The following IRGM variants were observed in gnomAD, a reference collection of about 807,000 sequenced individuals.
The protein encoded by IRGM is immunity related GTPase M, also known as immunity-related GTPase family M protein.
For missense variants in IRGM, 288 were observed against 219.9 expected (o/e 1.31, Z -1.96); for synonymous variants, 98 against 80.6 (o/e 1.22, Z -1.16).
At chr5:150,878,166 G>A (rs1754391938) in intron 2 of IRGM, 14 of 381,874 alleles carry the variant, frequency 3.7e-5, no homozygotes, top group South Asian at 2.7e-4. Flanking sequence ...TTTGGAAATA[G>A]TAAACTTTTT....
chr5:150,889,692 A>G (rs975139148), intron 3 of IRGM, among the ~76,000 whole-genome samples: 2 of 152,044 alleles, frequency 1.3e-5, no homozygotes, highest in Admixed American at 6.6e-5. Flanking sequence ...GTCTTTCACT[A>G]TATGATATTA....
chr5:150,854,104 G>T (rs1421924630), intron 1 of IRGM, among the ~76,000 whole-genome samples: 1 of 151,250 alleles, frequency 6.6e-6, no homozygotes, highest in Non-Finnish European at 1.5e-5. Context: ...TTTCTTTGTG[G>T]TTACCATGGA....
intron 1 of IRGM, among the ~76,000 whole-genome samples, chr5:150,863,905 T>C (rs1015088397): frequency 2.0e-5 from 3 of 152,168 alleles, no homozygotes; most frequent in African/African-American, 7.2e-5. Context: ...AAATAGGATT[T>C]GAGGGAGAGA....
downstream of IRGM, among the ~76,000 whole-genome samples, chr5:150,851,927 T>G (rs1753983532): frequency 6.6e-6 from 1 of 152,222 alleles, no homozygotes; most frequent in African/African-American, 2.4e-5. Context: ...AGCTCTAAAC[T>G]TAAATGGCCT....
intron 3 of IRGM, among the ~76,000 whole-genome samples, chr5:150,881,508 C>A (rs1262502359): frequency 6.6e-6 from 1 of 151,966 alleles, no homozygotes; most frequent in Non-Finnish European, 1.5e-5. Flanking sequence ...AGGAAAAGGA[C>A]ACTAGTAACA....
Position 150,846,585 on chromosome 5 carries a change from C to G in IRGM, c.-1051C>G, listed in dbSNP as rs553641944. ...TGTTTTTTTGCACTTTGCAGTAAAT[C>G]TTGCTGCTGCTCATTCTTTGGGTCC... On this transcript the variant is annotated 5_prime_UTR_variant, in exon 1 of 2. The change creates a new upstream start codon in the 5' untranslated region. Coordinates refer to ENST00000522154, the MANE Select transcript of IRGM (RefSeq NM_001145805.2). 4 of 145,010 alleles carry G rather than the reference C, an allele frequency of 2.8e-5. No individual in the cohort carries two copies. Among genetic ancestry groups the G allele is most frequent in the Non-Finnish European group, 5.9e-5 (4 of 67,802 alleles). 9.0% of individuals were successfully genotyped at this position (145,010 alleles called of 1,614,324 possible). A position where few individuals can be genotyped will look rare whatever the true frequency, so the allele number is the denominator to read the frequency against.
intron 3 of IRGM, chr5:150,898,551 A>G (rs1331288391): frequency 2.5e-6 from 4 of 1,600,722 alleles, no homozygotes; most frequent in African/African-American, 1.3e-5. Flanking sequence ...AATGATACTA[A>G]CCCCTGTAAT....
intron 1 of IRGM, among the ~76,000 whole-genome samples, chr5:150,866,585 G>A (rs898774260): frequency 1.3e-5 from 2 of 152,218 alleles, no homozygotes; most frequent in African/African-American, 2.4e-5. Context: ...TCAATAAAAA[G>A]GAGAGTATAA....
At position 150,848,290 on chromosome 5, in the gene IRGM, C is replaced by G. The variant is rs1050494429; in HGVS notation, c.167C>G (p.Thr56Arg). The G allele has an allele frequency of 5.2e-6, 8 of 1,551,842 alleles. 1 individual carries two copies. The Admixed American group carries it at 1.4e-4, about 27-fold the overall frequency. ...ACCTTCATCAGTGCCCTTCGAAACA[C>G]AGGACATGAGGGTAAGGCCTCACCT... ...MSTFISALRN[T>R]GHEGKASPPT... Residue 56 changes from threonine (T) to arginine (R), a missense_variant, in exon 2 of 2, where the codon ACA becomes AGA. Physicochemically the swap from Thr to Arg is moderately conservative, Grantham distance 71. Coordinates refer to ENST00000522154, the MANE Select transcript of IRGM (RefSeq NM_001145805.2).
intron 3 of IRGM, chr5:150,896,362 C>T (rs759091116): frequency 6.2e-7 from 1 of 1,613,556 alleles, no homozygotes; most frequent in Admixed American, 1.7e-5. Context: ...GGTTTCTTTC[C>T]AGTATGAATT....
intron 3 of IRGM, chr5:150,897,399 T>TAACA (rs1363534455): frequency 4.5e-5 from 7 of 157,076 alleles, no homozygotes; most frequent in Non-Finnish European, 8.3e-5. Flanking sequence ...TCTATTTTCC[T>TAACA]AACAACTAAC....
chr5:150,848,009 G>T lies in IRGM; in HGVS notation c.-115G>T. On this transcript the variant is annotated 5_prime_UTR_variant, in exon 2 of 2. Coordinates refer to ENST00000522154, the MANE Select transcript of IRGM (RefSeq NM_001145805.2). The stretch of plus-strand genomic sequence containing the variant: ...TAGTAGAGAAGGTTTCACGATGTTG[G>T]CCAGGATGGTCTCAATCTCCTGACC... The T allele has an allele frequency of 1.3e-6, 1 of 778,636 alleles. No individual in the cohort carries two copies. Among genetic ancestry groups the T allele is most frequent in the Non-Finnish European group, 2.0e-6 (1 of 490,444 alleles). The allele number at this position is 778,636 out of a possible 1,614,324, so 48.2% of individuals were successfully genotyped here.
At chr5:150,871,038 A>T (rs903899450) in intron 1 of IRGM, among the ~76,000 whole-genome samples, 1 of 152,190 alleles carries the variant, frequency 6.6e-6, no homozygotes, top group Non-Finnish European at 1.5e-5. Flanking sequence ...AAAACAAAAA[A>T]GGAAAGATTT....
intron 1 of IRGM, among the ~76,000 whole-genome samples, chr5:150,854,548 C>G (rs1754021317): frequency 6.6e-6 from 1 of 152,004 alleles, no homozygotes; most frequent in South Asian, 2.1e-4. Context: ...TTATTTTTGC[C>G]TAATTTTAAC....
intron 3 of IRGM, chr5:150,896,431 C>A: frequency 6.2e-7 from 1 of 1,613,662 alleles, no homozygotes; most frequent in Non-Finnish European, 8.5e-7. Context: ...GTAACACATA[C>A]ACAGCTTTTC....
chr5:150,896,560 G>A, intron 3 of IRGM: 2 of 1,613,640 alleles, frequency 1.2e-6, no homozygotes, highest in East Asian at 4.5e-5. Context: ...TTAGAATTGG[G>A]CTCACTCTGG....
intron 3 of IRGM, among the ~76,000 whole-genome samples, chr5:150,891,945 C>T (rs192768522): frequency 7.4e-4 from 113 of 152,194 alleles, no homozygotes; most frequent in Admixed American, 1.2e-3. Flanking sequence ...GAACACAACT[C>T]CCAAGGGACT....
At chr5:150,882,938 G>C (rs550731024) in intron 3 of IRGM, among the ~76,000 whole-genome samples, 36 of 152,118 alleles carry the variant, frequency 2.4e-4, no homozygotes, top group Admixed American at 7.2e-4. Context: ...AGTGCACATA[G>C]AATATTCTCC....
downstream of IRGM, among the ~76,000 whole-genome samples, chr5:150,852,147 T>G (rs1178904530): frequency 6.6e-6 from 1 of 152,186 alleles, no homozygotes; most frequent in Non-Finnish European, 1.5e-5. Context: ...AAGTAAGCTG[T>G]ATAATTTTCA....
Sources: gnomAD v4.1 joint callset for allele counts (sites outside exome capture counted in the v4.1 genomes callset) on GRCh38, gnomAD v4.1.1 for gene constraint, MANE v1.5 for transcripts, NCBI Gene and HGNC (gene_info 2026-07-23, HGNC 2026-07-21) for gene names.